The following GABRB1 variants were observed in gnomAD, a reference collection of about 807,000 sequenced individuals.
The protein encoded by GABRB1 is gamma-aminobutyric acid type A receptor subunit beta1.
In GABRB1, 17 loss-of-function variants were observed where a neutral mutation model predicts 51.6. The observed-to-expected ratio is 0.33, with a 90% CI of 0.23 to 0.49. The LOEUF (loss-of-function observed/expected upper bound fraction) is 0.49, where lower values mean the gene tolerates loss of function less well. Among genes scored for constraint, GABRB1 ranks in the 20% least tolerant of loss-of-function variants. GABRB1 has a pLI of 0.99. For synonymous variants in GABRB1, 247 were observed against 218.9 expected (o/e 1.13, Z -1.14); for missense variants, 410 against 600.6 (o/e 0.68, Z 3.32).
intron 4 of GABRB1, among the ~76,000 whole-genome samples, chr4:47,173,910 G>T (rs1718546708): frequency 6.6e-6 from 1 of 152,090 alleles, no homozygotes. Context: ...ATCTACCCTT[G>T]TTACATAGTC....
At chr4:47,269,553 A>T (rs1203691914) in intron 4 of GABRB1, among the ~76,000 whole-genome samples, 1 of 152,136 alleles carries the variant, frequency 6.6e-6, no homozygotes, top group Non-Finnish European at 1.5e-5. Context: ...ACATCCAACA[A>T]TTGAGGCAAC....
At chr4:47,036,657 T>C (rs1577846323) in intron 3 of GABRB1, among the ~76,000 whole-genome samples, 1 of 150,696 alleles carries the variant, frequency 6.6e-6, no homozygotes, top group African/African-American at 2.4e-5. Context: ...AGGCCAGGAG[T>C]TTAAGACTAG....
intron 4 of GABRB1, among the ~76,000 whole-genome samples, chr4:47,210,903 G>T (rs1227011742): frequency 6.6e-6 from 1 of 152,146 alleles, no homozygotes; most frequent in Non-Finnish European, 1.5e-5. Context: ...GATCATAGAT[G>T]ACTTCTGGGA....
At chr4:47,178,336 A>G (rs2109765623) in intron 4 of GABRB1, among the ~76,000 whole-genome samples, 1 of 152,236 alleles carries the variant, frequency 6.6e-6, no homozygotes, top group Middle Eastern at 3.4e-3. Flanking sequence ...TGCTACTTTC[A>G]AGATTAAATG....
chr4:47,421,822 T>C (rs925094115), intron 8 of GABRB1, among the ~76,000 whole-genome samples: 1 of 152,076 alleles, frequency 6.6e-6, no homozygotes, highest in African/African-American at 2.4e-5. Flanking sequence ...AATATTATGC[T>C]TCACTCTATA....
chr4:47,000,428 T>C lies in GABRB1; in HGVS notation c.-20+6502T>C, dbSNP rs58897934. Among the ~76,000 whole-genome samples, 399 of 152,338 alleles carry C rather than the reference T, an allele frequency of 2.6e-3. 2 individuals carry two copies. The highest frequency in any genetic ancestry group is 8.9e-3 in the African/African-American group (369 of 41,572). ...GTGGTCAGGACTTAGGTGTTCACTA[T>C]GTTACTTTTTTTATATTCATCTTCT... On this transcript the variant is annotated intron_variant, in intron 1 of 3. Coordinates refer to the GABRB1 transcript ENST00000513567.
chr4:47,375,824 C>T (rs533791290), intron 5 of GABRB1, among the ~76,000 whole-genome samples: 3 of 152,218 alleles, frequency 2.0e-5, no homozygotes, highest in South Asian at 4.2e-4. Flanking sequence ...GATAATATTT[C>T]GGCAGTATGT....
intron 4 of GABRB1, among the ~76,000 whole-genome samples, chr4:47,229,911 T>G (rs532162341): frequency 6.6e-6 from 1 of 152,144 alleles, no homozygotes; most frequent in East Asian, 1.9e-4. Flanking sequence ...GATTTCAGGA[T>G]TCTAGCCTCC....
chr4:47,038,541 T>C (rs1315832649), intron 3 of GABRB1, among the ~76,000 whole-genome samples: 1 of 152,194 alleles, frequency 6.6e-6, no homozygotes, highest in Admixed American at 6.5e-5. Context: ...AGGAAAGTAT[T>C]ATTTTTGAAG....
chr4:46,996,319 C>A (rs1312542321), intron 1 of GABRB1, among the ~76,000 whole-genome samples: 1 of 151,866 alleles, frequency 6.6e-6, no homozygotes. Context: ...TTGAATTGGG[C>A]CCAAGTACAC....
chr4:47,288,448 G>C (rs780962955), intron 4 of GABRB1, among the ~76,000 whole-genome samples: 2 of 151,964 alleles, frequency 1.3e-5, no homozygotes, highest in Non-Finnish European at 2.9e-5. Flanking sequence ...ATTTTTAGTA[G>C]AGACTGGGTT....
At chr4:47,138,277 T>C (rs1012313191) in intron 3 of GABRB1, among the ~76,000 whole-genome samples, 1 of 152,066 alleles carries the variant, frequency 6.6e-6, no homozygotes, top group African/African-American at 2.4e-5. Flanking sequence ...GGACCAATGT[T>C]CTGAAGGTGG....
chr4:47,145,270 C>T (rs1279094404), intron 3 of GABRB1, among the ~76,000 whole-genome samples: 1 of 151,922 alleles, frequency 6.6e-6, no homozygotes, highest in African/African-American at 2.4e-5. Context: ...CTTATGGCAG[C>T]TACACGCAAT....
chr4:47,063,901 G>T (rs1726945382), intron 3 of GABRB1, among the ~76,000 whole-genome samples: 1 of 152,100 alleles, frequency 6.6e-6, no homozygotes, highest in Non-Finnish European at 1.5e-5. Context: ...GCAGGGCTGG[G>T]GGAGAGCATT....
At chr4:47,099,760 C>A (rs1357944335) in intron 3 of GABRB1, among the ~76,000 whole-genome samples, 1 of 151,834 alleles carries the variant, frequency 6.6e-6, no homozygotes, top group Non-Finnish European at 1.5e-5. Flanking sequence ...ATTGTGTATG[C>A]TTCTGCAAGT....
chr4:47,306,248 C>A (rs1724465455), intron 4 of GABRB1, among the ~76,000 whole-genome samples: 1 of 42,068 alleles, frequency 2.4e-5, no homozygotes, highest in Non-Finnish European at 4.5e-5. Context: ...ATAAATAACA[C>A]AATTGACAAG....
At chr4:47,151,361 T>C (rs1490317728) in intron 3 of GABRB1, among the ~76,000 whole-genome samples, 1 of 152,084 alleles carries the variant, frequency 6.6e-6, no homozygotes, top group African/African-American at 2.4e-5. Flanking sequence ...TATTACAAAA[T>C]CACAAATCAT....
At chr4:47,375,367 G>C (rs1306804589) in intron 5 of GABRB1, among the ~76,000 whole-genome samples, 1 of 152,198 alleles carries the variant, frequency 6.6e-6, no homozygotes, top group African/African-American at 2.4e-5. Flanking sequence ...TAAAAATGAA[G>C]TAATAGAGAC....
At chr4:47,312,852 G>A (rs1314785219) in intron 4 of GABRB1, among the ~76,000 whole-genome samples, 2 of 152,110 alleles carry the variant, frequency 1.3e-5, no homozygotes, top group Middle Eastern at 3.2e-3. Flanking sequence ...GTGTGCACAC[G>A]TGTGTATTTG....
Sources: gnomAD v4.1 joint callset for allele counts (sites outside exome capture counted in the v4.1 genomes callset) on GRCh38, gnomAD v4.1.1 for gene constraint, MANE v1.5 for transcripts, NCBI Gene and HGNC (gene_info 2026-07-23, HGNC 2026-07-21) for gene names.